The following UPF2 variants were observed in gnomAD, a reference collection of about 807,000 sequenced individuals.
UPF2 encodes regulator of nonsense transcripts 2.
Under a neutral mutation model 141.4 loss-of-function variants are expected in UPF2, and 17 were observed. The observed-to-expected ratio is 0.12, with a 90% CI of 0.08 to 0.18. The LOEUF is 0.18. Ranked by LOEUF, UPF2 falls within the 10% of genes least tolerant of loss-of-function variation. The pLI is 1.00. For synonymous variants in UPF2, 540 were observed against 498.0 expected (o/e 1.08, Z -1.12); for missense variants, 1,152 against 1,515.9 (o/e 0.76, Z 3.99).
chr10:11,965,633 G>GT (rs1325795782), intron 10 of UPF2, among the ~76,000 whole-genome samples: 2 of 151,896 alleles, frequency 1.3e-5, no homozygotes, highest in African/African-American at 4.8e-5. Flanking sequence ...CTAATTTTTT[G>GT]TATGTTTAGT....
At chr10:11,971,313 G>A (rs981068865) in intron 9 of UPF2, among the ~76,000 whole-genome samples, 7 of 150,826 alleles carry the variant, frequency 4.6e-5, no homozygotes, top group East Asian at 1.9e-4. Flanking sequence ...GGAGTGCAAC[G>A]GCGCAATCTC....
chr10:11,923,604 C>T (rs1001077180), intron 21 of UPF2, among the ~76,000 whole-genome samples: 3 of 150,166 alleles, frequency 2.0e-5, no homozygotes, highest in African/African-American at 7.4e-5. Context: ...TGCTTGAACC[C>T]GGGAGGCGGA....
In UPF2 at chr10:12,042,441, T is replaced by C. The variant is rs1834752666; in HGVS notation, c.-19+314A>G. ...CTCTCCTCCACGCCCCCGAACACTT[T>C]CGCCCCTCCACCGCGGGCTCCCCGC... is the stretch of plus-strand genomic sequence containing the variant. On this transcript the variant is annotated intron_variant, in intron 1 of 21. Coordinates refer to ENST00000357604, the MANE Select transcript of UPF2 (RefSeq NM_015542.4). The surrounding 1 kb of genome is among the most constrained non-coding windows in gnomAD (Gnocchi z 5.5). 6.6e-6 allele frequency among the ~76,000 whole-genome samples: 1 copy of C among 151,970 alleles called. No individual in the cohort carries two copies. The highest frequency in any genetic ancestry group is 1.5e-5 in the Non-Finnish European group (1 of 67,978).
chr10:11,963,098 C>G (rs1038391975), intron 11 of UPF2, among the ~76,000 whole-genome samples: 6 of 152,076 alleles, frequency 3.9e-5, no homozygotes, highest in Non-Finnish European at 8.8e-5. Flanking sequence ...GCACAGAGTT[C>G]ACACCCCATA....
At chr10:11,978,942 C>T in intron 9 of UPF2, 115 bp downstream of exon 9, 1 of 802,292 alleles carries the variant, frequency 1.2e-6, no homozygotes, top group Non-Finnish European at 1.9e-6. Context: ...AAATTCTAAA[C>T]TGTTATACCA....
intron 3 of UPF2, among the ~76,000 whole-genome samples, chr10:12,021,366 C>CAA (rs780308726): frequency 3.9e-4 from 25 of 64,796 alleles, no homozygotes; most frequent in East Asian, 3.5e-3. Context: ...CAAGTCTCTA[C>CAA]AAAAAAAAAA....
At chr10:11,928,136 G>C (rs1297858073) in intron 21 of UPF2, among the ~76,000 whole-genome samples, 3 of 152,178 alleles carry the variant, frequency 2.0e-5, no homozygotes, top group African/African-American at 7.2e-5. Flanking sequence ...AGGAGTTCGA[G>C]ACCAGCCTGG....
At chr10:12,032,732 T>G (rs571155108) in intron 2 of UPF2, among the ~76,000 whole-genome samples, 1 of 133,306 alleles carries the variant, frequency 7.5e-6, no homozygotes, top group South Asian at 2.4e-4. Context: ...AGCAAGACCC[T>G]GTCTCAAAAA....
chr10:11,983,614 CACCTGCTT>C (rs1833636993), intron 8 of UPF2, among the ~76,000 whole-genome samples: 1 of 152,122 alleles, frequency 6.6e-6, no homozygotes, highest in Non-Finnish European at 1.5e-5. Context: ...ACTCGTGATC[CACCTGCTT>C]CAGCCTCCCA....
intron 10 of UPF2, 148 bp from the exon 11 acceptor site, chr10:11,964,273 T>C (rs1833284586): frequency 2.2e-6 from 1 of 461,788 alleles, no homozygotes; most frequent in African/African-American, 2.0e-5. Context: ...GCATCTTTTG[T>C]GTTCTGCCAT....
At position 11,940,475 on chromosome 10, in the gene UPF2, T is replaced by C. The variant is rs1832923259; in HGVS notation, c.3378+2190A>G. Reference sequence around the variant, plus strand: ...ACTCCACGTAACCTTCTGATCTCCATACATTTCCACTTGGACACCTCAAAG... The same window carrying C: ...ACTCCACGTAACCTTCTGATCTCCACACATTTCCACTTGGACACCTCAAAG... On this transcript the variant is annotated intron_variant, in intron 18 of 21. Transcript: ENST00000357604. This position sits in a 1 kb window ranked among gnomAD's most constrained non-coding sequence, Gnocchi z 4.2. Among the ~76,000 whole-genome samples, 1 of 152,198 alleles carries C rather than the reference T, an allele frequency of 6.6e-6. No individual in the cohort carries two copies. The highest frequency in any genetic ancestry group is 1.5e-5 in the Non-Finnish European group (1 of 68,030).
intron 21 of UPF2, 71 bp downstream of exon 21, chr10:11,929,794 A>G: frequency 1.9e-6 from 3 of 1,551,666 alleles, no homozygotes; most frequent in Non-Finnish European, 1.7e-6. Flanking sequence ...ACTATAATCC[A>G]GAATTCCCTA....
At chr10:12,030,543 A>AAATAAT (rs141050401) in intron 2 of UPF2, among the ~76,000 whole-genome samples, 14,159 of 148,882 alleles carry the variant, frequency 0.095, 855 homozygotes, top group Non-Finnish European at 0.14. Context: ...CTGCCTCAAA[A>AAATAAT]AATAATAATA....
At chr10:11,942,575 A>C (rs547289215) in intron 18 of UPF2, 90 bp downstream of exon 18, 2 of 1,146,512 alleles carry the variant, frequency 1.7e-6, no homozygotes, top group Admixed American at 4.0e-5. Flanking sequence ...AGAGACACTT[A>C]GATAGGAGAG....
At position 12,004,776 on chromosome 10, in the gene UPF2, A is replaced by G. The variant is rs372508288; in HGVS notation, c.1307-49T>C. Reference sequence around the variant, plus strand: ...AATTAACATAACTTGAGGTTATAGCATGATAAACATGACATAAGTTATTTT... The same window carrying G: ...AATTAACATAACTTGAGGTTATAGCGTGATAAACATGACATAAGTTATTTT... On this transcript the variant is annotated intron_variant, in intron 4 of 21. Transcript: ENST00000357604. 70 of 1,543,160 alleles carry G rather than the reference A, an allele frequency of 4.5e-5. No homozygotes were observed. The African/African-American group carries it at 8.7e-4, about 19-fold the overall frequency.
intron 3 of UPF2, among the ~76,000 whole-genome samples, chr10:12,020,960 T>C (rs7072007): frequency 0.83 from 126,930 of 152,206 alleles, 53,208 homozygotes; most frequent in Non-Finnish European, 0.88. Flanking sequence ...CACAGAACTG[T>C]TTATTTTATT....
At chr10:11,938,843 T>TTTTTTTTTTG (rs1253290717) in intron 18 of UPF2, among the ~76,000 whole-genome samples, 22 of 102,372 alleles carry the variant, frequency 2.1e-4, no homozygotes, top group South Asian at 9.2e-4. Flanking sequence ...CTTAAGCAAG[T>TTTTTTTTTTG]TTTTTTTTTG....
chr10:11,944,555 T>G (rs896614712), intron 16 of UPF2, among the ~76,000 whole-genome samples: 7 of 152,316 alleles, frequency 4.6e-5, no homozygotes, highest in Admixed American at 1.3e-4. Flanking sequence ...ATTAATGTTT[T>G]CTGAATTAAT....
chr10:11,937,876 A>C (rs184344406), intron 18 of UPF2, among the ~76,000 whole-genome samples: 21 of 152,342 alleles, frequency 1.4e-4, no homozygotes, highest in African/African-American at 3.8e-4. Flanking sequence ...AAGATTTATA[A>C]AGACTTTTTA....
Sources: allele counts gnomAD v4.1 joint callset (sites outside exome capture counted in the v4.1 genomes callset), GRCh38; gene constraint gnomAD v4.1.1; non-coding constraint Gnocchi (gnomAD v3.1); transcripts MANE v1.5; gene names NCBI Gene and HGNC (gene_info 2026-07-23, HGNC 2026-07-21).